Variants in NSMAF observed in about 807,000 individuals in gnomAD.
The protein encoded by NSMAF is neutral sphingomyelinase activation associated factor.
In NSMAF, 90 loss-of-function variants were observed where a neutral mutation model predicts 134.9. That is an observed-to-expected ratio of 0.67 (90% CI 0.56 to 0.79). The LOEUF is 0.79. Among genes scored for constraint, NSMAF ranks in the 30% least tolerant of loss-of-function variants. NSMAF has a pLI of 0.00. For missense variants in NSMAF, 1,010 were observed against 1,119.0 expected (o/e 0.90, Z 1.39); for synonymous variants, 358 against 389.6 (o/e 0.92, Z 0.96).
intron 5 of NSMAF, among the ~76,000 whole-genome samples, chr8:58,633,748 A>G (rs1459318013): frequency 1.3e-5 from 2 of 152,322 alleles, no homozygotes; most frequent in African/African-American, 4.8e-5. Flanking sequence ...GCACCGTACT[A>G]TATTTCTGAG....
intron 1 of NSMAF, among the ~76,000 whole-genome samples, chr8:58,651,306 A>G (rs1467605300): frequency 6.6e-6 from 1 of 152,186 alleles, no homozygotes; most frequent in Non-Finnish European, 1.5e-5. Flanking sequence ...TTTCTCCTAT[A>G]AATTACTGGC....
At chr8:58,626,091 C>CTTTTTTTTTTT (rs1225264071) in intron 6 of NSMAF, among the ~76,000 whole-genome samples, 2 of 99,370 alleles carry the variant, frequency 2.0e-5, no homozygotes, top group Admixed American at 1.1e-4. Flanking sequence ...TTATATAATT[C>CTTTTTTTTTTT]TTTTTTTTTT....
chr8:58,652,857 T>C (rs542832741), intron 1 of NSMAF, among the ~76,000 whole-genome samples: 1 of 152,324 alleles, frequency 6.6e-6, no homozygotes, highest in South Asian at 2.1e-4. Flanking sequence ...AGGTGGTTTA[T>C]CATCATCCAA....
chr8:58,619,346 A>C (rs1392054654), intron 9 of NSMAF, among the ~76,000 whole-genome samples: 1 of 152,204 alleles, frequency 6.6e-6, no homozygotes, highest in Non-Finnish European at 1.5e-5. Flanking sequence ...AAAATAGAAT[A>C]TTACAAACTA....
intron 22 of NSMAF, 190 bp from the exon 23 acceptor site, chr8:58,594,480 G>A (rs191658608): frequency 8.9e-5 from 52 of 581,818 alleles, no homozygotes; most frequent in African/African-American, 6.7e-4. Flanking sequence ...TTCTGGCAAC[G>A]CCTGTGGCTA....
intron 23 of NSMAF, among the ~76,000 whole-genome samples, chr8:58,593,842 G>A (rs1806072838): frequency 2.0e-5 from 3 of 152,140 alleles, no homozygotes; most frequent in Non-Finnish European, 1.5e-5. Flanking sequence ...ACTGCAAACC[G>A]TAACAGCAAA....
intron 2 of NSMAF, chr8:58,640,042 GT>G (rs1563542383): frequency 4.4e-6 from 2 of 455,354 alleles, no homozygotes; most frequent in East Asian, 7.0e-5. Context: ...ATTAAAGGGG[GT>G]GGAAGAAATG....
At chr8:58,645,266 T>A (rs201404649) in intron 1 of NSMAF, among the ~76,000 whole-genome samples, 2 of 151,628 alleles carry the variant, frequency 1.3e-5, no homozygotes, top group African/African-American at 2.4e-5. Context: ...TTTTTCTATT[T>A]AAAAAAAAGT....
intron 9 of NSMAF, among the ~76,000 whole-genome samples, chr8:58,620,066 G>C (rs375728503): frequency 6.6e-6 from 1 of 152,086 alleles, no homozygotes; most frequent in Non-Finnish European, 1.5e-5. Context: ...TAAGAGAATG[G>C]GATAATACAG....
At chr8:58,587,575 C>A (rs771069312) in intron 27 of NSMAF, 43 bp downstream of exon 27, 1 of 1,568,040 alleles carries the variant, frequency 6.4e-7, no homozygotes, top group African/African-American at 1.4e-5. Flanking sequence ...AACCCCTAGA[C>A]TTTTAAGGTC....
At chr8:58,606,318 C>A (rs1806411578) in intron 11 of NSMAF, among the ~76,000 whole-genome samples, 1 of 152,078 alleles carries the variant, frequency 6.6e-6, no homozygotes, top group African/African-American at 2.4e-5. Context: ...TTAATAATAG[C>A]TTTTGTGAAC....
At chr8:58,602,300 G>C (rs1214079115) in intron 13 of NSMAF, among the ~76,000 whole-genome samples, 163 bp from the exon 14 acceptor site, 2 of 152,072 alleles carry the variant, frequency 1.3e-5, no homozygotes, top group African/African-American at 4.8e-5. Flanking sequence ...GTAAAGAAAA[G>C]GTTAGCAATT....
intron 13 of NSMAF, among the ~76,000 whole-genome samples, chr8:58,602,773 A>G (rs1206486263): frequency 5.3e-5 from 8 of 152,210 alleles, no homozygotes; most frequent in African/African-American, 1.9e-4. Context: ...TCTCTGTAAT[A>G]TAATTATGGA....
chr8:58,584,054 T>TA lies in NSMAF; in HGVS notation c.*51dup. ...CACCAGTCCGTTTAAAAGTTTGGTT[T>TA]AAAAATGCATTAAATAGAGTTCAAT... is the stretch of plus-strand genomic sequence containing the variant. On this transcript the variant is annotated 3_prime_UTR_variant, in exon 31 of 31. Transcript: ENST00000038176. The TA allele has an allele frequency of 7.2e-7, 1 of 1,394,794 alleles. No individual in the cohort carries two copies. The highest frequency in any genetic ancestry group is 1.0e-6 in the Non-Finnish European group (1 of 980,968). 86.4% of individuals were successfully genotyped at this position (1,394,794 alleles called of 1,614,324 possible).
chr8:58,635,042 A>T, intron 5 of NSMAF, 147 bp downstream of exon 5: 1 of 668,084 alleles, frequency 1.5e-6, no homozygotes, highest in South Asian at 2.1e-5. Flanking sequence ...ACATCTTTTT[A>T]AAACTATATT....
chr8:58,611,567 A>G (rs913158882), intron 9 of NSMAF, among the ~76,000 whole-genome samples: 1 of 152,188 alleles, frequency 6.6e-6, no homozygotes, highest in Non-Finnish European at 1.5e-5. Context: ...ACAGAGTTTC[A>G]GCAGAGAAAT....
chr8:58,622,543 G>A (rs956173169), intron 9 of NSMAF, among the ~76,000 whole-genome samples: 1 of 151,974 alleles, frequency 6.6e-6, no homozygotes, highest in African/African-American at 2.4e-5. Flanking sequence ...ACAGGTGCCC[G>A]CCACCATGCC....
intron 9 of NSMAF, among the ~76,000 whole-genome samples, chr8:58,617,114 T>C (rs1806675442): frequency 6.6e-6 from 1 of 152,140 alleles, no homozygotes; most frequent in South Asian, 2.1e-4. Flanking sequence ...CAAAATAAAG[T>C]AATTTAAGGA....
chr8:58,597,682 T>C, intron 20 of NSMAF, 132 bp from the exon 21 acceptor site: 1 of 977,756 alleles, frequency 1.0e-6, no homozygotes, highest in Non-Finnish European at 1.6e-6. Flanking sequence ...ACCAGGATTG[T>C]CTAAACCTCA....
Sources: allele counts gnomAD v4.1 joint callset (sites outside exome capture counted in the v4.1 genomes callset), GRCh38; gene constraint gnomAD v4.1.1; transcripts MANE v1.5; gene names NCBI Gene and HGNC (gene_info 2026-07-23, HGNC 2026-07-21).